The following SAMMSON variants were observed in gnomAD, a reference collection of about 807,000 sequenced individuals.
The protein encoded by SAMMSON is survival associated mitochondrial melanoma specific oncogenic non-coding RNA.
chr3:70,158,406 A>G (rs1365224038), intron 4 of SAMMSON, among the ~76,000 whole-genome samples: 1 of 152,030 alleles, frequency 6.6e-6, no homozygotes. Flanking sequence ...TTATTGTTGA[A>G]TAGTATTCTG....
intron 4 of SAMMSON, chr3:70,205,792 G>C (rs1049036970): frequency 1.3e-5 from 2 of 152,008 alleles, no homozygotes; most frequent in African/African-American, 4.8e-5. Flanking sequence ...ACCATACCTT[G>C]TTACATTTTC....
chr3:70,044,756 ATT>A (rs911122080), intron 3 of SAMMSON, among the ~76,000 whole-genome samples: 5 of 151,354 alleles, frequency 3.3e-5, no homozygotes, highest in Admixed American at 2.7e-4. Flanking sequence ...TACAATATAT[ATT>A]ACATAAATAA....
At chr3:70,252,078 A>G (rs1195159210) in intron 6 of SAMMSON, among the ~76,000 whole-genome samples, 4 of 152,306 alleles carry the variant, frequency 2.6e-5, no homozygotes, top group Middle Eastern at 6.8e-3. Flanking sequence ...TAAGTCTTTC[A>G]ATTCTAAGCT....
chr3:70,258,570 C>A (rs1408755760), intron 6 of SAMMSON, among the ~76,000 whole-genome samples: 2 of 152,062 alleles, frequency 1.3e-5, no homozygotes, highest in African/African-American at 4.8e-5. Flanking sequence ...AATTTCTATC[C>A]ATTGTAAACA....
At chr3:70,288,671 C>T (rs531718165) in intron 6 of SAMMSON, among the ~76,000 whole-genome samples, 29 of 151,716 alleles carry the variant, frequency 1.9e-4, no homozygotes, top group Non-Finnish European at 3.5e-4. Context: ...TTAAAGTCTC[C>T]CATTATTAAT....
At position 70,339,731 on chromosome 3, in the gene SAMMSON, G is replaced by C. The variant is rs545581265; in HGVS notation, n.740-14444G>C. On this transcript the variant is annotated intron_variant and non_coding_transcript_variant, in intron 7 of 9. Coordinates refer to ENST00000642114, the Ensembl canonical transcript of SAMMSON. ...ACCATCTCACACCAGTTAGAATGGC[G>C]ATCATTAAAAAGTCAGGAAACAACA... Among the ~76,000 whole-genome samples the C allele has an allele frequency of 1.8e-4, 28 of 152,168 alleles. No homozygotes were observed. In the South Asian group the frequency reaches 4.6e-3, roughly 25 times the overall value.
At chr3:70,201,692 T>C (rs1311148322) in intron 4 of SAMMSON, among the ~76,000 whole-genome samples, 1 of 152,180 alleles carries the variant, frequency 6.6e-6, no homozygotes, top group African/African-American at 2.4e-5. Context: ...CCAACCTGCC[T>C]TCCATAATAT....
intron 1 of SAMMSON, among the ~76,000 whole-genome samples, chr3:70,011,639 A>G (rs1348887851): frequency 6.6e-6 from 1 of 151,320 alleles, no homozygotes; most frequent in Non-Finnish European, 1.5e-5. Context: ...AGTGAAGTCA[A>G]TTGGTTAAGA....
chr3:70,414,784 A>C (rs1340848506), intron 2 of SAMMSON, among the ~76,000 whole-genome samples: 1 of 152,182 alleles, frequency 6.6e-6, no homozygotes, highest in Non-Finnish European at 1.5e-5. Context: ...AGTGAACCTC[A>C]TCTACCTCAT....
At chr3:70,087,246 C>G (rs1042075445) in intron 4 of SAMMSON, among the ~76,000 whole-genome samples, 6 of 152,136 alleles carry the variant, frequency 3.9e-5, no homozygotes, top group African/African-American at 1.4e-4. Flanking sequence ...CATAAATTGT[C>G]TTCTATTTTG....
intron 9 of SAMMSON, among the ~76,000 whole-genome samples, chr3:70,385,312 A>C (rs1267077775): frequency 6.6e-6 from 1 of 152,128 alleles, no homozygotes; most frequent in Non-Finnish European, 1.5e-5. Context: ...ATCAGATATT[A>C]ATACTTCCTC....
intron 7 of SAMMSON, among the ~76,000 whole-genome samples, chr3:70,340,956 T>A (rs146903871): frequency 6.6e-6 from 1 of 152,240 alleles, no homozygotes; most frequent in African/African-American, 2.4e-5. Flanking sequence ...TAATAAGCCT[T>A]TCTGAGTCTG....
chr3:70,048,175 A>G (rs906139421), intron 3 of SAMMSON, among the ~76,000 whole-genome samples: 1 of 152,106 alleles, frequency 6.6e-6, no homozygotes, highest in Non-Finnish European at 1.5e-5. Context: ...GGCTGTGAAT[A>G]CAATGATGAG....
At chr3:70,431,475 T>C (rs901183699) in intron 2 of SAMMSON, among the ~76,000 whole-genome samples, 13 of 151,966 alleles carry the variant, frequency 8.6e-5, no homozygotes, top group African/African-American at 3.1e-4. Context: ...CTAAAAGTAA[T>C]AGAAATATAA....
At chr3:70,433,656 T>G (rs1701433930) in intron 2 of SAMMSON, among the ~76,000 whole-genome samples, 1 of 152,180 alleles carries the variant, frequency 6.6e-6, no homozygotes, top group Non-Finnish European at 1.5e-5. Context: ...AAAATTTTAA[T>G]GAAGTATAAT....
intron 4 of SAMMSON, among the ~76,000 whole-genome samples, chr3:70,180,934 C>G (rs766357234): frequency 6.6e-6 from 1 of 152,114 alleles, no homozygotes; most frequent in Non-Finnish European, 1.5e-5. Context: ...GATGAAAGAA[C>G]AGCAACAACA....
intron 7 of SAMMSON, among the ~76,000 whole-genome samples, chr3:70,313,940 C>T (rs1427470960): frequency 6.6e-6 from 1 of 152,180 alleles, no homozygotes; most frequent in African/African-American, 2.4e-5. Context: ...AGGTTCCTAA[C>T]ATTTTACTCC....
chr3:70,057,349 A>G (rs2067171418), intron 3 of SAMMSON, among the ~76,000 whole-genome samples: 2 of 151,952 alleles, frequency 1.3e-5, no homozygotes, highest in South Asian at 4.2e-4. Flanking sequence ...AGTATTTTTA[A>G]TTCATTTTAA....
At chr3:70,257,784 C>G (rs139788262) in intron 6 of SAMMSON, among the ~76,000 whole-genome samples, 2 of 152,294 alleles carry the variant, frequency 1.3e-5, no homozygotes, top group African/African-American at 4.8e-5. Flanking sequence ...ATCCCAGCAG[C>G]AGGCATGTGT....
Sources: allele counts gnomAD v4.1 joint callset (sites outside exome capture counted in the v4.1 genomes callset), GRCh38; gene constraint gnomAD v4.1.1; transcripts MANE v1.5; gene names NCBI Gene and HGNC (gene_info 2026-07-23, HGNC 2026-07-21).